The following AIG1 variants were observed in gnomAD, a reference collection of about 807,000 sequenced individuals.
AIG1 encodes the protein androgen-induced gene 1 protein.
A neutral mutation model predicts 31.4 loss-of-function variants in AIG1; 23 were observed. That is an observed-to-expected ratio of 0.73 (90% CI 0.53 to 1.04). The LOEUF (loss-of-function observed/expected upper bound fraction) is 1.04. Among genes scored for constraint, AIG1 ranks in the 50% least tolerant of loss-of-function variants. AIG1 has a pLI of 0.00. For missense variants in AIG1, 274 were observed against 295.0 expected, an observed-to-expected ratio of 0.93 and a Z score of 0.52; for synonymous variants, 100 against 110.5, an observed-to-expected ratio of 0.90 and a Z score of 0.60.
At chr6:143,254,053 C>T (rs1383574675) in intron 3 of AIG1, among the ~76,000 whole-genome samples, 2 of 152,196 alleles carry the variant, frequency 1.3e-5, no homozygotes, top group Admixed American at 1.3e-4. Flanking sequence ...CAAAGGCTTG[C>T]TCCCTTCTGT....
chr6:143,180,894 T>G (rs1350444450), intron 3 of AIG1, among the ~76,000 whole-genome samples: 1 of 152,244 alleles, frequency 6.6e-6, no homozygotes, highest in East Asian at 1.9e-4. Flanking sequence ...CTCTTCAATA[T>G]TATTTTGACA....
At chr6:143,127,000 G>T (rs1380740532) in intron 1 of AIG1, among the ~76,000 whole-genome samples, 1 of 151,624 alleles carries the variant, frequency 6.6e-6, no homozygotes, top group African/African-American at 2.4e-5. Flanking sequence ...AGAAGAAGTA[G>T]GGAGATCTAC....
chr6:143,280,831 T>G lies in AIG1; in HGVS notation c.400-3279T>G, dbSNP rs1285282119. On this transcript the variant is annotated intron_variant, in intron 3 of 5. Transcript: ENST00000357847. The surrounding 1 kb of genome is among the most constrained non-coding windows in gnomAD (Gnocchi z 4.1). ...ACAATGAAACCCCATGACGTGTGTT[T>G]ACCTATGTAACAAACCTTCACGTGT... 1.3e-5 allele frequency among the ~76,000 whole-genome samples: 2 copies of G among 152,164 alleles called. No individual in the cohort carries two copies. The highest frequency in any genetic ancestry group is 2.9e-5 in the Non-Finnish European group (2 of 68,020).
intron 2 of AIG1, among the ~76,000 whole-genome samples, chr6:143,148,853 C>T (rs1784929843): frequency 6.6e-6 from 1 of 151,706 alleles, no homozygotes; most frequent in Admixed American, 6.6e-5. Flanking sequence ...AAAGAGAAAA[C>T]CACCAACAAC....
At chr6:143,270,060 G>A (rs896411470) in intron 3 of AIG1, among the ~76,000 whole-genome samples, 4 of 152,188 alleles carry the variant, frequency 2.6e-5, no homozygotes, top group African/African-American at 7.2e-5. Context: ...TGACATCACG[G>A]ATGTAGACAA....
chr6:143,281,931 C>T (rs1156367622), intron 3 of AIG1, among the ~76,000 whole-genome samples: 1 of 152,168 alleles, frequency 6.6e-6, no homozygotes, highest in Non-Finnish European at 1.5e-5. Context: ...GGTGATGACA[C>T]CAATGATGAA....
intron 4 of AIG1, among the ~76,000 whole-genome samples, chr6:143,318,287 A>G (rs1239054502): frequency 6.6e-6 from 1 of 152,186 alleles, no homozygotes; most frequent in Non-Finnish European, 1.5e-5. Flanking sequence ...AAATAGGCAC[A>G]TAGACCAATG....
chr6:143,250,217 G>A (rs1794917473), intron 3 of AIG1, among the ~76,000 whole-genome samples: 2 of 152,164 alleles, frequency 1.3e-5, no homozygotes, highest in South Asian at 4.1e-4. Context: ...CCTTCTCAAG[G>A]CTGGCCCTGG....
intron 1 of AIG1, among the ~76,000 whole-genome samples, chr6:143,112,359 C>T (rs1228765272): frequency 6.6e-6 from 1 of 152,202 alleles, no homozygotes; most frequent in Non-Finnish European, 1.5e-5. Context: ...CCCCTGCACA[C>T]ACCAGTCTGG....
intron 1 of AIG1, among the ~76,000 whole-genome samples, chr6:143,118,535 A>G (rs1471619643): frequency 2.0e-5 from 3 of 152,086 alleles, no homozygotes; most frequent in Non-Finnish European, 2.9e-5. Context: ...AAAAAAAAAT[A>G]CCGAAAGATT....
Position 143,165,247 on chromosome 6 carries a change from G to A in AIG1, c.399+64G>A, listed in dbSNP as rs139594961. 1,169 of 1,297,876 alleles carry A rather than the reference G, an allele frequency of 9.0e-4. 9 individuals carry two copies. The African/African-American group carries it at 0.015, about 16-fold the overall frequency. The allele number at this position is 1,297,876 out of a possible 1,614,324, so 80.4% of individuals were successfully genotyped here. A position where few individuals can be genotyped will look rare whatever the true frequency, so the allele number is the denominator to read the frequency against. On this transcript the variant is annotated intron_variant, in intron 3 of 5. Transcript: ENST00000357847. The stretch of plus-strand genomic sequence containing the variant: ...AAAATCTATTAAATAGCTATGATCT[G>A]CTATTTAGACCTTCCATAGAATTTG...
intron 4 of AIG1, among the ~76,000 whole-genome samples, chr6:143,315,306 G>T (rs970634049): frequency 2.0e-5 from 3 of 152,102 alleles, no homozygotes; most frequent in Non-Finnish European, 2.9e-5. Context: ...AAGTTATTTT[G>T]TAGATAGCAA....
chr6:143,244,530 A>G (rs1794474057), intron 3 of AIG1, among the ~76,000 whole-genome samples: 1 of 152,218 alleles, frequency 6.6e-6, no homozygotes, highest in Admixed American at 6.5e-5. Context: ...AACGTACTAA[A>G]TGGATCACAT....
At chr6:143,259,705 C>T (rs1795615393) in intron 3 of AIG1, among the ~76,000 whole-genome samples, 1 of 152,192 alleles carries the variant, frequency 6.6e-6, no homozygotes, top group African/African-American at 2.4e-5. Flanking sequence ...ACTTAGTTCA[C>T]TGCTAGTGTT....
intron 3 of AIG1, among the ~76,000 whole-genome samples, chr6:143,237,099 C>T (rs1486670540): frequency 6.6e-6 from 1 of 152,156 alleles, no homozygotes; most frequent in African/African-American, 2.4e-5. Context: ...CTCTACAGCA[C>T]AAGAGTTTAA....
At chr6:143,084,504 C>T (rs1778585774) in intron 1 of AIG1, among the ~76,000 whole-genome samples, 1 of 152,180 alleles carries the variant, frequency 6.6e-6, no homozygotes, top group African/African-American at 2.4e-5. Context: ...CCCATTCCAC[C>T]TGCTCCTCCT....
At position 143,165,109 on chromosome 6, in the gene AIG1, T is replaced by A; in HGVS notation, c.325T>A (p.Tyr109Asn). ...VFVVAVFWII[Y>N]AYDREMIYPK... ...TGTTGTAGCAGTGTTCTGGATCATT[T>A]ATGCCTATGACAGAGAGATGATATA... The change falls in exon 3 of 6, where the codon TAT becomes AAT. Residue 109 changes from tyrosine (Y) to asparagine (N), a missense_variant. Tyr to Asn is a moderately radical substitution (Grantham distance 143). Coordinates refer to ENST00000357847, the MANE Select transcript of AIG1 (RefSeq NM_016108.4). 1.2e-6 allele frequency: 2 copies of A among 1,613,574 alleles called. No individual in the cohort carries two copies. The highest frequency in any genetic ancestry group is 1.7e-6 in the Non-Finnish European group (2 of 1,179,546).
intron 3 of AIG1, among the ~76,000 whole-genome samples, chr6:143,277,783 A>T (rs1485905102): frequency 2.6e-5 from 4 of 152,238 alleles, no homozygotes; most frequent in Non-Finnish European, 5.9e-5. Flanking sequence ...ATGATATGGG[A>T]GTAGTACCCT....
chr6:143,310,904 T>G (rs184851858), intron 4 of AIG1, among the ~76,000 whole-genome samples: 1 of 151,720 alleles, frequency 6.6e-6, no homozygotes, highest in Admixed American at 6.6e-5. Context: ...AAGAGAAAAA[T>G]AATATCTTAA....
Sources: allele counts gnomAD v4.1 joint callset (sites outside exome capture counted in the v4.1 genomes callset), GRCh38; gene constraint gnomAD v4.1.1; non-coding constraint Gnocchi (gnomAD v3.1); transcripts MANE v1.5; gene names NCBI Gene and HGNC (gene_info 2026-07-23, HGNC 2026-07-21).